Variants in DDX11 observed in about 807,000 individuals in gnomAD.
The protein encoded by DDX11 is ATP-dependent DNA helicase DDX11.
DDX11 carries 72 observed loss-of-function variants against 125.2 expected under a neutral mutation model. The ratio of observed to expected loss-of-function variants is 0.58; its 90% CI spans 0.48 to 0.70. The LOEUF (loss-of-function observed/expected upper bound fraction) is 0.70. DDX11 is among the 30% of genes least tolerant of loss of function. The pLI, the probability that DDX11 is intolerant of heterozygous loss-of-function variation, is 0.00. For missense variants in DDX11, 883 were observed against 1,165.0 expected (o/e 0.76, Z 3.52); for synonymous variants, 347 against 452.6 (o/e 0.77, Z 2.96).
At chr12:31,084,438 A>T (rs3930906) in intron 3 of DDX11, 145 bp from the exon 4 acceptor site, 395,866 of 790,520 alleles carry the variant, frequency 0.5, 104,255 homozygotes, top group East Asian at 0.85. Flanking sequence ...AGGTCCCGGG[A>T]GGGGATGCGG....
intron 2 of DDX11, among the ~76,000 whole-genome samples, chr12:31,079,020 A>G (rs1395310581): frequency 6.6e-6 from 1 of 152,120 alleles, no homozygotes; most frequent in East Asian, 1.9e-4. Flanking sequence ...GGTCTGAGAA[A>G]AATTAGGCTG....
intron 5 of DDX11, among the ~76,000 whole-genome samples, chr12:31,085,533 A>G (rs188252230): frequency 6.6e-6 from 1 of 152,220 alleles, no homozygotes; most frequent in Non-Finnish European, 1.5e-5. Context: ...TGAGGTGCCA[A>G]CCATCAAGGC....
intron 6 of DDX11, among the ~76,000 whole-genome samples, 197 bp from the exon 7 acceptor site, chr12:31,088,847 G>A (rs555793346): frequency 1.9e-4 from 29 of 152,346 alleles, no homozygotes; most frequent in African/African-American, 7.0e-4. Context: ...TGAACTTCTG[G>A]AGCTGTGGGT....
rs765976601 is a variant in DDX11 at position 31,087,995 on chromosome 12, G to A, written c.684+12G>A. On this transcript the variant is annotated intron_variant, in intron 6 of 26. Coordinates refer to ENST00000542838, the MANE Select transcript of DDX11 (RefSeq NM_030653.4). ...AACACATAACTAAGGTAACACAAGTGTCCTCAGCTGGTGCTGTGCTGGGGG... is the reference window on the plus strand; with the variant it reads ...AACACATAACTAAGGTAACACAAGTATCCTCAGCTGGTGCTGTGCTGGGGG... 3 of 1,607,248 alleles carry A rather than the reference G, an allele frequency of 1.9e-6. No homozygotes were observed. Among genetic ancestry groups the A allele is most frequent in the Non-Finnish European group, 2.5e-6 (3 of 1,177,332 alleles).
intron 9 of DDX11, among the ~76,000 whole-genome samples, chr12:31,090,472 A>T (rs1944011343): frequency 8.7e-6 from 1 of 115,554 alleles, no homozygotes; most frequent in Admixed American, 9.3e-5. Context: ...GATGTCAGTG[A>T]TAGAACCATT....
rs2140949642 is a variant in DDX11, at chr12:31,097,915, T to A, written c.1793T>A (p.Leu598Ter). The change falls in exon 18 of 27, where the codon TTG becomes TAG. Residue 598 changes from leucine to a stop codon, truncating the protein, a stop_gained. Coordinates refer to ENST00000542838, the MANE Select transcript of DDX11 (RefSeq NM_030653.4). LOFTEE classifies it high-confidence loss of function. ...GSLSQSTLKF[L>*]LLNPAVHFAQ... ...CTCAGTCAGAGCACCCTGAAGTTTT[T>A]GCTCCTGAATCCAGCTGTGCACTTT... 6.2e-7 allele frequency: 1 copy of A among 1,613,650 alleles called. No homozygotes were observed. Among genetic ancestry groups the A allele is most frequent in the Non-Finnish European group, 8.5e-7 (1 of 1,179,780 alleles).
intron 1 of DDX11, among the ~76,000 whole-genome samples, chr12:31,074,554 A>T (rs1239111131): frequency 6.6e-6 from 1 of 152,214 alleles, no homozygotes; most frequent in Non-Finnish European, 1.5e-5. Flanking sequence ...CGGAAGTGTC[A>T]TAAAAATGGA....
At chr12:31,075,437 TG>T (rs1940567832) in intron 1 of DDX11, among the ~76,000 whole-genome samples, 2 of 152,016 alleles carry the variant, frequency 1.3e-5, no homozygotes, top group African/African-American at 4.8e-5. Flanking sequence ...CTGGCAGATG[TG>T]GTTCAAATCC....
At chr12:31,098,605 A>G (rs912168077) in intron 18 of DDX11, among the ~76,000 whole-genome samples, 6 of 152,236 alleles carry the variant, frequency 3.9e-5, no homozygotes, top group African/African-American at 1.4e-4. Context: ...TGTGATAAAT[A>G]TAACCGCATT....
Position 31,101,950 on chromosome 12 carries a change from G to C in DDX11, c.2170G>C (p.Gly724Arg). ...GGTCCATGCCCACTGGGAGAAGGGTGGCCTGCTGGGCCGTCTGGCTGCCAG... is the reference window on the plus strand; with the variant it reads ...GGTCCATGCCCACTGGGAGAAGGGTCGCCTGCTGGGCCGTCTGGCTGCCAG... Reference protein sequence around the residue: ...RQVHAHWEKGGLLGRLAARKK... With the variant: ...RQVHAHWEKGRLLGRLAARKK... Residue 724 changes from glycine to arginine, a missense_variant, in exon 21 of 27, where the codon GGC (glycine) becomes CGC (arginine). Physicochemically the swap from Gly to Arg is moderately radical, Grantham distance 125. Transcript: ENST00000542838. 1 of 1,613,322 alleles carries C rather than the reference G, an allele frequency of 6.2e-7. No homozygotes were observed. The highest frequency in any genetic ancestry group is 1.3e-5 in the African/African-American group (1 of 75,020).
At chr12:31,082,144 T>C (rs71455612) in intron 2 of DDX11, among the ~76,000 whole-genome samples, 32,691 of 114,980 alleles carry the variant, frequency 0.28, 5,459 homozygotes, top group East Asian at 0.46. Context: ...TGTCATTCTA[T>C]CCTATCCCAG....
chr12:31,090,886 G>C (rs1944090530), intron 9 of DDX11, among the ~76,000 whole-genome samples: 1 of 152,188 alleles, frequency 6.6e-6, no homozygotes, highest in Non-Finnish European at 1.5e-5. Context: ...CAGGCCCCAT[G>C]GTGTCCCAGG....
At chr12:31,093,652 C>T (rs1592723911) in intron 12 of DDX11, 3 of 336,026 alleles carry the variant, frequency 8.9e-6, no homozygotes, top group East Asian at 1.6e-4. Flanking sequence ...ACCCGGGAGG[C>T]GGAGGTTGCA....
rs772247719 is a variant in DDX11 at position 31,103,051 on chromosome 12, A to G, written c.2457+31A>G. 27 of 1,610,158 alleles carry G rather than the reference A, an allele frequency of 1.7e-5. No individual in the cohort carries two copies. In the Admixed American group the frequency reaches 2.3e-4, roughly 14 times the overall value. On this transcript the variant is annotated intron_variant, in intron 24 of 26. Coordinates refer to ENST00000542838, the MANE Select transcript of DDX11 (RefSeq NM_030653.4). ...TGACCCCAGTGTCACAGAGGGTGAC[A>G]GGAGAGTAGGCAGTGGGTGGGAGTG...
chr12:31,098,614 T>C (rs1945760165), intron 18 of DDX11, among the ~76,000 whole-genome samples: 1 of 152,246 alleles, frequency 6.6e-6, no homozygotes. Context: ...TATAACCGCA[T>C]TTCTGCACAG....
chr12:31,081,227 C>G (rs528107288), intron 2 of DDX11, among the ~76,000 whole-genome samples: 2 of 152,320 alleles, frequency 1.3e-5, no homozygotes, highest in Admixed American at 6.5e-5. Context: ...GGCTTTATTA[C>G]CTTTGACATT....
chr12:31,092,307 C>T (rs1187341405), intron 10 of DDX11, among the ~76,000 whole-genome samples: 3 of 152,136 alleles, frequency 2.0e-5, no homozygotes, highest in Non-Finnish European at 2.9e-5. Context: ...CTGGTCTTCA[C>T]GCTGACTCTG....
At chr12:31,082,086 A>C (rs1297926933) in intron 2 of DDX11, among the ~76,000 whole-genome samples, 1 of 116,786 alleles carries the variant, frequency 8.6e-6, no homozygotes, top group Non-Finnish European at 1.7e-5. Flanking sequence ...GGGAAATGGT[A>C]CATATGGGGC....
rs775963102 is a variant in DDX11, at chr12:31,088,044, G to C, written c.684+61G>C. The C allele has an allele frequency of 3.8e-5, 61 of 1,599,304 alleles. No homozygotes were observed. In the Admixed American group the frequency reaches 4.5e-4, roughly 12 times the overall value. Reference sequence around the variant, plus strand: ...GGTATAGGCTGGGCTGTGCACCCCTGGGGAGGAGGCTGGAGTCACTTGGCT... The same window carrying C: ...GGTATAGGCTGGGCTGTGCACCCCTCGGGAGGAGGCTGGAGTCACTTGGCT... On this transcript the variant is annotated intron_variant, in intron 6 of 26. Transcript: ENST00000542838.
Sources: allele counts gnomAD v4.1 joint callset (sites outside exome capture counted in the v4.1 genomes callset), GRCh38; gene constraint gnomAD v4.1.1; transcripts MANE v1.5; gene names NCBI Gene and HGNC (gene_info 2026-07-23, HGNC 2026-07-21).